The following ALCAM variants were observed in gnomAD, a reference collection of about 807,000 sequenced individuals.
The protein encoded by ALCAM is activated leukocyte cell adhesion molecule.
In ALCAM, 30 loss-of-function variants were observed where a neutral mutation model predicts 70.9. The ratio of observed to expected loss-of-function variants is 0.42; its 90% confidence interval spans 0.32 to 0.57. The LOEUF is 0.57. Ranked by LOEUF, ALCAM falls within the 20% of genes least tolerant of loss-of-function variation. The pLI is 0.11. For missense variants in ALCAM, 591 were observed against 695.1 expected (o/e 0.85, Z 1.68); for synonymous variants, 249 against 242.5 (o/e 1.03, Z -0.25).
intron 1 of ALCAM, among the ~76,000 whole-genome samples, chr3:105,420,005 A>G (rs906200935): frequency 1.3e-5 from 2 of 151,796 alleles, no homozygotes; most frequent in Non-Finnish European, 2.9e-5. Context: ...AGAGAAAGAG[A>G]TAAAGACTTT....
chr3:105,419,971 A>G (rs1455126725), intron 1 of ALCAM, among the ~76,000 whole-genome samples: 3 of 151,794 alleles, frequency 2.0e-5, no homozygotes, highest in East Asian at 3.9e-4. Context: ...CTATCTGGAT[A>G]TATAGATGGA....
At chr3:105,394,192 A>G (rs1935892409) in intron 1 of ALCAM, among the ~76,000 whole-genome samples, 1 of 151,968 alleles carries the variant, frequency 6.6e-6, no homozygotes, top group Non-Finnish European at 1.5e-5. Flanking sequence ...TGAATCCACT[A>G]ATACAAAATA....
intron 1 of ALCAM, among the ~76,000 whole-genome samples, chr3:105,437,292 TA>T (rs1274252941): frequency 1.3e-5 from 2 of 152,218 alleles, no homozygotes; most frequent in Admixed American, 1.3e-4. Flanking sequence ...CAGAAATATC[TA>T]AAAATGTAAT....
chr3:105,450,637 G>A (rs112144832), intron 1 of ALCAM, among the ~76,000 whole-genome samples: 102 of 152,218 alleles, frequency 6.7e-4, no homozygotes, highest in Admixed American at 2.4e-3. Context: ...CTTTTAATTT[G>A]CCATGCACAA....
chr3:105,492,266 G>A lies in ALCAM; in HGVS notation c.74-27801G>A, dbSNP rs561088841. ...CCCCATGATTCAATTACTTCCCACC[G>A]GGTCCCTCCCATAACACATGGAGAT... On this transcript the variant is annotated intron_variant, in intron 1 of 15. Transcript: ENST00000306107. Among the ~76,000 whole-genome samples the A allele has an allele frequency of 6.6e-5, 10 of 152,040 alleles. No individual in the cohort carries two copies. The South Asian group carries it at 2.1e-3, about 32-fold the overall frequency.
At chr3:105,383,319 C>G (rs146609408) in intron 1 of ALCAM, among the ~76,000 whole-genome samples, 1 of 151,734 alleles carries the variant, frequency 6.6e-6, no homozygotes, top group South Asian at 2.1e-4. Context: ...TTCTACCCAG[C>G]GTCTACTGAT....
intron 1 of ALCAM, among the ~76,000 whole-genome samples, chr3:105,506,210 C>T (rs2152618073): frequency 6.6e-6 from 1 of 152,236 alleles, no homozygotes; most frequent in East Asian, 1.9e-4. Context: ...GTTGAGGCTT[C>T]CTGCAATTCA....
intron 1 of ALCAM, among the ~76,000 whole-genome samples, chr3:105,368,264 A>AGAGAGGGAGAGAGAGAGAGAGAGAGAG (rs1559767087): frequency 7.0e-6 from 1 of 142,118 alleles, no homozygotes; most frequent in African/African-American, 2.6e-5. Context: ...AGAGAGAGAG[A>AGAGAGGGAGAGAGAGAGAGAGAGAGAG]AAAGGCAAAA....
intron 1 of ALCAM, among the ~76,000 whole-genome samples, chr3:105,518,662 A>T (rs1297030282): frequency 6.6e-6 from 1 of 152,054 alleles, no homozygotes; most frequent in Non-Finnish European, 1.5e-5. Context: ...AACAATTTTA[A>T]AATTATAGAG....
intron 6 of ALCAM, among the ~76,000 whole-genome samples, chr3:105,539,410 A>C (rs572758679): frequency 6.6e-6 from 1 of 152,072 alleles, no homozygotes; most frequent in Non-Finnish European, 1.5e-5. Context: ...ATACACTTAC[A>C]GTCCTGTTGA....
At chr3:105,559,440 C>A (rs1576241819) in intron 14 of ALCAM, among the ~76,000 whole-genome samples, 1 of 152,004 alleles carries the variant, frequency 6.6e-6, no homozygotes, top group South Asian at 2.1e-4. Flanking sequence ...ACCAGCAGAT[C>A]TAGTGTCTGG....
At chr3:105,498,525 A>G (rs1349962329) in intron 1 of ALCAM, among the ~76,000 whole-genome samples, 1 of 140,838 alleles carries the variant, frequency 7.1e-6, no homozygotes, top group Non-Finnish European at 1.5e-5. Flanking sequence ...GTGTGTTTTA[A>G]TCATCTTTCT....
At chr3:105,489,778 AT>A (rs1938533355) in intron 1 of ALCAM, among the ~76,000 whole-genome samples, 2 of 152,210 alleles carry the variant, frequency 1.3e-5, no homozygotes, top group African/African-American at 4.8e-5. Flanking sequence ...AATTCAATAT[AT>A]TTTATTGTAC....
At chr3:105,454,203 T>C (rs1937500077) in intron 1 of ALCAM, among the ~76,000 whole-genome samples, 1 of 152,218 alleles carries the variant, frequency 6.6e-6, no homozygotes, top group Non-Finnish European at 1.5e-5. Context: ...TTGTTGTCAA[T>C]TAATACTGTT....
intron 1 of ALCAM, among the ~76,000 whole-genome samples, chr3:105,479,574 G>T (rs770360571): frequency 6.6e-6 from 1 of 152,138 alleles, no homozygotes; most frequent in Non-Finnish European, 1.5e-5. Flanking sequence ...GAGAGACAAC[G>T]AGCTTCAGAC....
chr3:105,503,044 A>C (rs1938966918), intron 1 of ALCAM, among the ~76,000 whole-genome samples: 1 of 152,252 alleles, frequency 6.6e-6, no homozygotes, highest in Non-Finnish European at 1.5e-5. Flanking sequence ...GAAAACAAAC[A>C]ACAGTATTTC....
chr3:105,431,142 CAA>C (rs111778942), intron 1 of ALCAM, among the ~76,000 whole-genome samples: 16 of 117,826 alleles, frequency 1.4e-4, no homozygotes, highest in South Asian at 1.3e-3. Flanking sequence ...TCCTTCGAAA[CAA>C]AAAAAAAAAA....
At chr3:105,400,292 TA>T (rs1164105513) in intron 1 of ALCAM, among the ~76,000 whole-genome samples, 1 of 152,174 alleles carries the variant, frequency 6.6e-6, no homozygotes, top group East Asian at 1.9e-4. Context: ...ACTTTACTAT[TA>T]GGTTTTGAAA....
At chr3:105,525,282 T>C (rs1404881447) in intron 3 of ALCAM, 6 of 983,298 alleles carry the variant, frequency 6.1e-6, no homozygotes, top group Non-Finnish European at 7.2e-6. Context: ...ATGACAAAAT[T>C]ACTTTGCCTA....
Sources: gnomAD v4.1 joint callset for allele counts (sites outside exome capture counted in the v4.1 genomes callset) on GRCh38, gnomAD v4.1.1 for gene constraint, MANE v1.5 for transcripts, NCBI Gene and HGNC (gene_info 2026-07-23, HGNC 2026-07-21) for gene names.